Variants in CLNK observed in about 807,000 individuals in gnomAD.
CLNK encodes cytokine-dependent hematopoietic cell linker.
Under a neutral mutation model 68.6 loss-of-function variants are expected in CLNK, and 74 were observed. That is an observed-to-expected ratio of 1.08 (90% CI 0.89 to 1.31). CLNK has a LOEUF of 1.31. Among genes scored for constraint, CLNK ranks in the 50% most tolerant of loss-of-function variants. The probability of loss-of-function intolerance (pLI) is 0.00; values close to 1 mark genes in which losing one functional copy is unlikely to be tolerated. For missense variants in CLNK, 553 were observed against 515.3 expected (o/e 1.07, Z -0.71); for synonymous variants, 198 against 172.2 (o/e 1.15, Z -1.17).
chr4:10,617,025 T>C (rs1722263273), intron 2 of CLNK, among the ~76,000 whole-genome samples: 1 of 152,028 alleles, frequency 6.6e-6, no homozygotes, highest in African/African-American at 2.4e-5. Flanking sequence ...ACTGCTCTGA[T>C]CCACATGCTT....
At chr4:10,615,540 AAACAC>A (rs768053692) in intron 2 of CLNK, among the ~76,000 whole-genome samples, 78 of 152,144 alleles carry the variant, frequency 5.1e-4, no homozygotes, top group Non-Finnish European at 2.6e-4. Flanking sequence ...AAACAAAACA[AAACAC>A]CAAGAAAGAA....
At chr4:10,582,628 C>T (rs1720824011) in intron 4 of CLNK, among the ~76,000 whole-genome samples, 1 of 151,942 alleles carries the variant, frequency 6.6e-6, no homozygotes, top group South Asian at 2.1e-4. Flanking sequence ...AGGTATTGAC[C>T]TTGACAGACT....
At chr4:10,575,372 C>G (rs1720521555) in intron 4 of CLNK, among the ~76,000 whole-genome samples, 1 of 152,234 alleles carries the variant, frequency 6.6e-6, no homozygotes, top group African/African-American at 2.4e-5. Flanking sequence ...TTGGCTCTGC[C>G]CATGCCTGGA....
intron 2 of CLNK, among the ~76,000 whole-genome samples, chr4:10,606,306 C>T (rs1236580457): frequency 6.6e-6 from 1 of 152,200 alleles, no homozygotes. Context: ...GCCGCCCCAA[C>T]ACCTTGTCCC....
intron 1 of CLNK, among the ~76,000 whole-genome samples, chr4:10,671,769 T>C (rs986573979): frequency 6.6e-6 from 1 of 152,222 alleles, no homozygotes; most frequent in East Asian, 1.9e-4. Context: ...ATCCTCATTT[T>C]ATACAAAACC....
At chr4:10,527,497 G>A (rs1718365012) in intron 13 of CLNK, among the ~76,000 whole-genome samples, 1 of 152,162 alleles carries the variant, frequency 6.6e-6, no homozygotes, top group South Asian at 2.1e-4. Flanking sequence ...TGAACTCTTT[G>A]GGCTGTGATG....
intron 4 of CLNK, among the ~76,000 whole-genome samples, chr4:10,575,109 G>T (rs115537580): frequency 0.013 from 1,908 of 152,176 alleles, 44 homozygotes; most frequent in African/African-American, 0.042. Context: ...CCACTTGTCC[G>T]TATTGTATTC....
At chr4:10,631,188 A>AC (rs1722876851) in intron 2 of CLNK, among the ~76,000 whole-genome samples, 1 of 152,230 alleles carries the variant, frequency 6.6e-6, no homozygotes, top group Non-Finnish European at 1.5e-5. Flanking sequence ...GAAGAGCTCT[A>AC]CAGGTTCTAG....
intron 3 of CLNK, among the ~76,000 whole-genome samples, chr4:10,590,238 A>G (rs1228422129): frequency 6.6e-6 from 1 of 152,212 alleles, no homozygotes; most frequent in Non-Finnish European, 1.5e-5. Flanking sequence ...AATTTAATAC[A>G]TCTAATAATC....
At chr4:10,586,020 A>C (rs1381879506) in intron 3 of CLNK, among the ~76,000 whole-genome samples, 1 of 152,070 alleles carries the variant, frequency 6.6e-6, no homozygotes, top group Non-Finnish European at 1.5e-5. Context: ...TCTCACAAAG[A>C]GCGTGAACCT....
chr4:10,615,286 C>A (rs1302874714), intron 2 of CLNK, among the ~76,000 whole-genome samples: 1 of 152,170 alleles, frequency 6.6e-6, no homozygotes, highest in African/African-American at 2.4e-5. Context: ...TCGAAACCAG[C>A]CAGGCCAACA....
intron 2 of CLNK, among the ~76,000 whole-genome samples, chr4:10,621,347 T>C (rs1479690311): frequency 6.6e-6 from 1 of 152,156 alleles, no homozygotes; most frequent in Non-Finnish European, 1.5e-5. Context: ...CAAGCAGAGT[T>C]ACCGGAAGAT....
upstream of CLNK, among the ~76,000 whole-genome samples, chr4:10,689,430 C>G (rs1204861425): frequency 6.6e-6 from 1 of 152,174 alleles, no homozygotes; most frequent in African/African-American, 2.4e-5. Context: ...CCACTACACC[C>G]TGTCCTTTTT....
chr4:10,498,974 C>A (rs982427984), intron 18 of CLNK, among the ~76,000 whole-genome samples: 1 of 147,050 alleles, frequency 6.8e-6, no homozygotes, highest in East Asian at 2.1e-4. Flanking sequence ...TGTACCCCCC[C>A]CCCCCCAACC....
intron 11 of CLNK, among the ~76,000 whole-genome samples, chr4:10,535,970 G>C (rs1004486720): frequency 1.3e-5 from 2 of 152,186 alleles, no homozygotes; most frequent in South Asian, 4.1e-4. Context: ...GTTTTGAGTT[G>C]TCAATGAATG....
At chr4:10,687,510 A>T (rs1242611484), upstream of CLNK, among the ~76,000 whole-genome samples, 1 of 152,128 alleles carries the variant, frequency 6.6e-6, no homozygotes, top group South Asian at 2.1e-4. Context: ...TCTAAGAAAG[A>T]AAGAAGCAGG....
intron 17 of CLNK, among the ~76,000 whole-genome samples, 167 bp downstream of exon 17, chr4:10,507,792 C>T (rs932724903): frequency 1.3e-5 from 2 of 152,136 alleles, no homozygotes; most frequent in Non-Finnish European, 2.9e-5. Flanking sequence ...TGAAACTCTC[C>T]ATGTTAAATG....
the CLNK span, among the ~76,000 whole-genome samples, chr4:10,727,969 T>G: frequency 1.3e-5 from 2 of 152,186 alleles, no homozygotes; most frequent in Non-Finnish European, 2.9e-5. Flanking sequence ...TGCTCAAGGT[T>G]GAGAACCACC....
chr4:10,520,741 A>G, intron 15 of CLNK, 50 bp downstream of exon 15: 1 of 1,395,312 alleles, frequency 7.2e-7, no homozygotes, highest in Non-Finnish European at 1.0e-6. Context: ...CCACAATATC[A>G]CAGTATCGTG....
Sources: gnomAD v4.1 joint callset for allele counts (sites outside exome capture counted in the v4.1 genomes callset) on GRCh38, gnomAD v4.1.1 for gene constraint, MANE v1.5 for transcripts, NCBI Gene and HGNC (gene_info 2026-07-23, HGNC 2026-07-21) for gene names.